The following SOHLH2 variants were observed in gnomAD, a reference collection of about 807,000 sequenced individuals.
The protein encoded by SOHLH2 is spermatogenesis- and oogenesis-specific basic helix-loop-helix-containing protein 2.
In SOHLH2, 22 loss-of-function variants were observed where a neutral mutation model predicts 50.4. That is an observed-to-expected ratio of 0.44 (90% CI 0.31 to 0.62). The LOEUF is 0.62. Ranked by LOEUF, SOHLH2 falls within the 20% of genes least tolerant of loss-of-function variation. SOHLH2 has a pLI of 0.08. For missense variants in SOHLH2, 412 were observed against 504.4 expected, an observed-to-expected ratio of 0.82 and a Z score of 1.76; for synonymous variants, 185 against 187.3, an observed-to-expected ratio of 0.99 and a Z score of 0.10.
chr13:36,195,249 G>A (rs1215920032), intron 2 of SOHLH2, among the ~76,000 whole-genome samples: 1 of 152,194 alleles, frequency 6.6e-6, no homozygotes, highest in Non-Finnish European at 1.5e-5. Context: ...ACAACCCTTG[G>A]TGCTGGCTAG....
intron 3 of SOHLH2, 35 bp from the exon 4 acceptor site, chr13:36,193,760 T>C (rs1236986873): frequency 1.2e-6 from 2 of 1,603,250 alleles, no homozygotes; most frequent in Non-Finnish European, 1.7e-6. Flanking sequence ...GACCTTATAG[T>C]TTCTATTTAG....
In SOHLH2 at chr13:36,172,466, C is replaced by T. The variant is rs114714228; in HGVS notation, c.1000+1226G>A. ...TCTTTGGTGATATGAAGAATCAGGG[C>T]TGGGTTCTATCTGGGGGTCCCTGCT... On this transcript the variant is annotated intron_variant, in intron 9 of 10. Coordinates refer to ENST00000379881, the MANE Select transcript of SOHLH2 (RefSeq NM_017826.3). Among the ~76,000 whole-genome samples, 702 of 152,224 alleles carry T rather than the reference C, an allele frequency of 4.6e-3. 5 individuals are homozygous for T. The highest frequency in any genetic ancestry group is 0.016 in the African/African-American group (665 of 41,540).
intron 6 of SOHLH2, chr13:36,182,942 G>A (rs1303020605): frequency 1.9e-5 from 3 of 158,330 alleles, no homozygotes; most frequent in African/African-American, 7.2e-5. Flanking sequence ...CAATGTTGGA[G>A]GTGGAACCTG....
intron 1 of SOHLH2, among the ~76,000 whole-genome samples, chr13:36,211,967 T>C (rs1197825605): frequency 2.6e-5 from 4 of 152,154 alleles, no homozygotes; most frequent in African/African-American, 9.7e-5. Flanking sequence ...ATCAACTGCC[T>C]AGCTTGAGCC....
intron 2 of SOHLH2, among the ~76,000 whole-genome samples, chr13:36,199,153 A>G (rs533464638): frequency 6.6e-6 from 1 of 152,326 alleles, no homozygotes; most frequent in South Asian, 2.1e-4. Context: ...TACAAGACTC[A>G]TTACCATAAG....
chr13:36,199,683 T>A (rs1431334054), intron 2 of SOHLH2, among the ~76,000 whole-genome samples: 3 of 152,236 alleles, frequency 2.0e-5, no homozygotes, highest in Admixed American at 6.5e-5. Flanking sequence ...CTCAGGGCAA[T>A]AAAAGCTGCT....
At chr13:36,212,044 C>T (rs74826128) in intron 1 of SOHLH2, among the ~76,000 whole-genome samples, 2,186 of 152,164 alleles carry the variant, frequency 0.014, 45 homozygotes, top group African/African-American at 0.05. Flanking sequence ...TTCCAGTGTC[C>T]CCAGAATCTC....
At chr13:36,195,093 G>A (rs1395060974) in intron 2 of SOHLH2, among the ~76,000 whole-genome samples, 1 of 151,998 alleles carries the variant, frequency 6.6e-6, no homozygotes, top group Non-Finnish European at 1.5e-5. Context: ...GAGGTCTTGG[G>A]GCAAAAAGAC....
intron 6 of SOHLH2, chr13:36,183,250 C>T (rs988027698): frequency 2.6e-4 from 71 of 271,758 alleles, no homozygotes; most frequent in Admixed American, 6.8e-4. Context: ...TACTCAGTCT[C>T]TGGTATTTCT....
chr13:36,196,172 C>T (rs1313480513), intron 2 of SOHLH2, among the ~76,000 whole-genome samples: 3 of 149,970 alleles, frequency 2.0e-5, no homozygotes, highest in Non-Finnish European at 4.4e-5. Flanking sequence ...GTCACTCAGG[C>T]GGGAGTGCAG....
intron 1 of SOHLH2, among the ~76,000 whole-genome samples, chr13:36,212,492 A>G (rs558188996): frequency 6.6e-6 from 1 of 152,366 alleles, no homozygotes; most frequent in African/African-American, 2.4e-5. Flanking sequence ...AACACAGGCG[A>G]TAAAAAAGAT....
At chr13:36,203,910 C>CT (rs1290206721) in intron 1 of SOHLH2, among the ~76,000 whole-genome samples, 3 of 148,986 alleles carry the variant, frequency 2.0e-5, no homozygotes, top group Non-Finnish European at 4.5e-5. Context: ...TAGTCAACCA[C>CT]TTTTTTTTCC....
chr13:36,175,396 G>A (rs1164125130), intron 6 of SOHLH2, among the ~76,000 whole-genome samples: 1 of 152,178 alleles, frequency 6.6e-6, no homozygotes, highest in Non-Finnish European at 1.5e-5. Flanking sequence ...CATGGCCTGA[G>A]CAAAAAGAAA....
chr13:36,200,021 C>G (rs958532449), intron 2 of SOHLH2, among the ~76,000 whole-genome samples: 2 of 152,110 alleles, frequency 1.3e-5, no homozygotes, highest in Non-Finnish European at 2.9e-5. Context: ...TAATTACAGA[C>G]TTCTAGAAAG....
At chr13:36,189,119 T>C (rs189542856) in intron 6 of SOHLH2, among the ~76,000 whole-genome samples, 10 of 152,318 alleles carry the variant, frequency 6.6e-5, no homozygotes, top group African/African-American at 2.4e-4. Context: ...AGTTAATACA[T>C]CTAGAATTGG....
intron 5 of SOHLH2, 83 bp downstream of exon 5, chr13:36,191,712 G>T: frequency 6.5e-7 from 1 of 1,530,312 alleles, no homozygotes; most frequent in South Asian, 1.2e-5. Flanking sequence ...TACAGCAAAT[G>T]CTGCACCCCT....
At chr13:36,202,569 A>AGTGCT (rs1367940229) in intron 1 of SOHLH2, among the ~76,000 whole-genome samples, 6 of 152,246 alleles carry the variant, frequency 3.9e-5, no homozygotes, top group Non-Finnish European at 8.8e-5. Context: ...AAGTCCTTTC[A>AGTGCT]ATGGAATATA....
chr13:36,181,373 T>C (rs934316356), intron 6 of SOHLH2, among the ~76,000 whole-genome samples: 1 of 152,150 alleles, frequency 6.6e-6, no homozygotes, highest in African/African-American at 2.4e-5. Flanking sequence ...TTTTTTTCCC[T>C]CTGTAGTCTC....
At chr13:36,179,909 T>A (rs1291198002) in intron 6 of SOHLH2, among the ~76,000 whole-genome samples, 1 of 152,260 alleles carries the variant, frequency 6.6e-6, no homozygotes, top group Non-Finnish European at 1.5e-5. Flanking sequence ...TAGGGTTATG[T>A]TGTTCCCATG....
Sources: gnomAD v4.1 joint callset for allele counts (sites outside exome capture counted in the v4.1 genomes callset) on GRCh38, gnomAD v4.1.1 for gene constraint, MANE v1.5 for transcripts, NCBI Gene and HGNC (gene_info 2026-07-23, HGNC 2026-07-21) for gene names.